The following PRR14L variants were observed in gnomAD, a reference collection of about 807,000 sequenced individuals.
PRR14L encodes protein PRR14L.
A neutral mutation model predicts 155.0 loss-of-function variants in PRR14L; 80 were observed. The ratio of observed to expected loss-of-function variants is 0.52; its 90% confidence interval spans 0.43 to 0.62. The LOEUF (loss-of-function observed/expected upper bound fraction) is 0.62, where lower values mean the gene tolerates loss of function less well. Ranked by LOEUF, PRR14L falls within the 20% of genes least tolerant of loss-of-function variation. The pLI, the probability that PRR14L is intolerant of heterozygous loss-of-function variation, is 0.00. For missense variants in PRR14L, 2,469 were observed against 2,548.0 expected, an observed-to-expected ratio of 0.97 and a Z score of 0.67; for synonymous variants, 883 against 916.0, an observed-to-expected ratio of 0.96 and a Z score of 0.65.
chr22:31,716,042 T>G lies in PRR14L; in HGVS notation c.1797A>C (p.Pro599=). The G allele has an allele frequency of 6.4e-7, 1 of 1,550,780 alleles. No individual in the cohort carries two copies. The highest frequency in any genetic ancestry group is 8.7e-7 in the Non-Finnish European group (1 of 1,146,952). The change falls in exon 4 of 9, where the codon CCA becomes CCC. Residue 599 remains proline, a synonymous_variant. Coordinates refer to ENST00000327423, the MANE Select transcript of PRR14L (RefSeq NM_173566.3). ...CAGGTCTGTAATCAAATTCTGGGGA[T>G]GGTAGCAACAGAGCAGTACCTTGCT... ...KPKQGTALLL[P]SPEFDYRPES... is the part of the protein sequence containing the mutation.
intron 7 of PRR14L, among the ~76,000 whole-genome samples, chr22:31,701,379 T>C (rs747644702): frequency 2.0e-5 from 3 of 152,078 alleles, no homozygotes; most frequent in African/African-American, 7.2e-5. Flanking sequence ...AGCTCTGGGG[T>C]TGGGTAAATC....
At chr22:31,745,173 C>A (rs142883119) in intron 1 of PRR14L, among the ~76,000 whole-genome samples, 1 of 152,050 alleles carries the variant, frequency 6.6e-6, no homozygotes, top group Non-Finnish European at 1.5e-5. Flanking sequence ...GTCAGGAGAT[C>A]GAGACCATCC....
chr22:31,739,142 T>C (rs749487301), intron 1 of PRR14L, among the ~76,000 whole-genome samples: 3 of 152,186 alleles, frequency 2.0e-5, no homozygotes, highest in Non-Finnish European at 4.4e-5. Context: ...AATACTGCCT[T>C]ATGAACAATT....
chr22:31,700,669 G>A (rs1462149693), intron 7 of PRR14L, among the ~76,000 whole-genome samples: 1 of 152,058 alleles, frequency 6.6e-6, no homozygotes, highest in Non-Finnish European at 1.5e-5. Context: ...CGATTCTCCT[G>A]CCTCAGCCTA....
chr22:31,743,240 T>C (rs537095723), intron 1 of PRR14L, among the ~76,000 whole-genome samples: 10 of 151,822 alleles, frequency 6.6e-5, no homozygotes, highest in African/African-American at 2.2e-4. Context: ...AGGCAGAGGG[T>C]GCAGTGAGCC....
At chr22:31,748,592 A>G (rs1280700560) in intron 1 of PRR14L, among the ~76,000 whole-genome samples, 1 of 152,200 alleles carries the variant, frequency 6.6e-6, no homozygotes, top group African/African-American at 2.4e-5. Flanking sequence ...AAAGGTATAG[A>G]GTCTTCATTT....
intron 7 of PRR14L, among the ~76,000 whole-genome samples, chr22:31,689,304 A>G (rs2074499062): frequency 6.6e-6 from 1 of 152,132 alleles, no homozygotes; most frequent in African/African-American, 2.4e-5. Context: ...GCAACAAAGC[A>G]AGACGCTGTC....
At chr22:31,747,707 G>C (rs1319818748) in intron 1 of PRR14L, among the ~76,000 whole-genome samples, 1 of 151,118 alleles carries the variant, frequency 6.6e-6, no homozygotes, top group African/African-American at 2.4e-5. Context: ...TTACTCAACG[G>C]CGTTTGAGGT....
intron 3 of PRR14L, 131 bp downstream of exon 3, chr22:31,725,407 G>C (rs2074710981): frequency 1.5e-6 from 1 of 653,360 alleles, no homozygotes; most frequent in Non-Finnish European, 2.7e-6. Context: ...TGAAGTTACA[G>C]TTTCTATAGT....
intron 7 of PRR14L, among the ~76,000 whole-genome samples, chr22:31,693,769 G>A (rs891249843): frequency 6.6e-6 from 1 of 152,102 alleles, no homozygotes; most frequent in African/African-American, 2.4e-5. Flanking sequence ...GTACTTCACT[G>A]TGAAAATTTT....
At chr22:31,693,807 C>T (rs1055813669) in intron 7 of PRR14L, among the ~76,000 whole-genome samples, 5 of 152,186 alleles carry the variant, frequency 3.3e-5, no homozygotes, top group Admixed American at 2.6e-4. Flanking sequence ...TTCATTAACA[C>T]TATTTCGCTC....
chr22:31,722,417 GAA>G (rs563612373), intron 3 of PRR14L, among the ~76,000 whole-genome samples: 3 of 82,170 alleles, frequency 3.7e-5, no homozygotes, highest in Admixed American at 1.2e-4. Flanking sequence ...GTGACAGAAA[GAA>G]AAAAAAAAAA....
intron 4 of PRR14L, among the ~76,000 whole-genome samples, chr22:31,705,467 G>A (rs1028246102): frequency 6.6e-5 from 10 of 151,496 alleles, no homozygotes; most frequent in Admixed American, 4.0e-4. Flanking sequence ...TCCACTTCCC[G>A]GGTTCAAGAG....
chr22:31,730,314 T>C (rs1221617539), intron 2 of PRR14L, among the ~76,000 whole-genome samples: 1 of 152,110 alleles, frequency 6.6e-6, no homozygotes, highest in Non-Finnish European at 1.5e-5. Context: ...GGCACGTGCC[T>C]GTAATCCCAG....
In PRR14L at chr22:31,732,969, T is replaced by C. The variant is rs1416763504; in HGVS notation, c.474+5418A>G. 3.9e-5 allele frequency among the ~76,000 whole-genome samples: 6 copies of C among 152,134 alleles called. No individual in the cohort carries two copies. The East Asian group carries it at 1.2e-3, about 29-fold the overall frequency. ...AACAACCTTGTGTATTAAGTATTGT[T>C]ATACTGCTAGAAGTGTATCTTTTTT... On this transcript the variant is annotated intron_variant, in intron 2 of 8. Coordinates refer to ENST00000327423, the MANE Select transcript of PRR14L (RefSeq NM_173566.3).
In PRR14L at chr22:31,713,010, G is replaced by T; in HGVS notation, c.4829C>A (p.Thr1610Asn). 1 of 1,552,154 alleles carries T rather than the reference G, an allele frequency of 6.4e-7. No individual in the cohort carries two copies. The highest frequency in any genetic ancestry group is 8.7e-7 in the Non-Finnish European group (1 of 1,147,090). Reference protein sequence around the residue: ...PLRSLNFRKTTKESALLNKLS... With the variant: ...PLRSLNFRKTNKESALLNKLS... ...CTTGTTTAGTAAGGCTGATTCTTTG[G>T]TAGTCTTCCTAAAATTCAGGCTCCT... Residue 1610 changes from threonine to asparagine, a missense_variant, in exon 4 of 9, where the codon ACC (threonine) becomes AAC (asparagine). By Grantham distance (65) the Thr-to-Asn change is moderately conservative (BLOSUM62 0). This residue lies in a region of PRR14L where 2,363 missense variants were observed against 2,371.6 expected (regional missense o/e 1.00). Transcript: ENST00000327423.
At chr22:31,738,980 C>T (rs1284002769) in intron 1 of PRR14L, 69 bp from the exon 2 acceptor site, 3 of 664,946 alleles carry the variant, frequency 4.5e-6, no homozygotes, top group Non-Finnish European at 5.0e-6. Context: ...TGCCTCAGTT[C>T]AAACCGGCTA....
chr22:31,702,253 GT>G (rs1442769166), intron 6 of PRR14L, among the ~76,000 whole-genome samples: 2 of 151,836 alleles, frequency 1.3e-5, no homozygotes, highest in African/African-American at 4.8e-5. Context: ...ATAGAGTTTT[GT>G]TCTTGTTGCC....
At chr22:31,735,324 C>A (rs1002018920) in intron 2 of PRR14L, among the ~76,000 whole-genome samples, 5 of 151,984 alleles carry the variant, frequency 3.3e-5, no homozygotes, top group Non-Finnish European at 4.4e-5. Context: ...GCCTGTAGTC[C>A]CAGCTACTAG....
Sources: allele counts gnomAD v4.1 joint callset (sites outside exome capture counted in the v4.1 genomes callset), GRCh38; gene constraint gnomAD v4.1.1; regional missense constraint gnomAD v4.1.1; transcripts MANE v1.5; gene names NCBI Gene and HGNC (gene_info 2026-07-23, HGNC 2026-07-21).